The following ELSPBP1 variants were observed in gnomAD, a reference collection of about 807,000 sequenced individuals.
ELSPBP1 encodes epididymal sperm binding protein 1.
ELSPBP1 carries 38 observed loss-of-function variants against 33.3 expected under a neutral mutation model. The ratio of observed to expected loss-of-function variants is 1.14; its 90% CI spans 0.88 to 1.50. The LOEUF (loss-of-function observed/expected upper bound fraction) is 1.50. Among genes scored for constraint, ELSPBP1 ranks in the 40% most tolerant of loss-of-function variants. The pLI is 0.00. For synonymous variants in ELSPBP1, 85 were observed against 94.1 expected, an observed-to-expected ratio of 0.90 and a Z score of 0.56; for missense variants, 267 against 263.5, an observed-to-expected ratio of 1.01 and a Z score of -0.09.
intron 1 of ELSPBP1, among the ~76,000 whole-genome samples, chr19:47,996,201 G>A: frequency 6.6e-6 from 1 of 152,150 alleles, no homozygotes; most frequent in East Asian, 1.9e-4. Flanking sequence ...ATAGAAGAAT[G>A]GATGAACAGT....
chr19:48,016,370 T>C (rs527937779), intron 4 of ELSPBP1, among the ~76,000 whole-genome samples: 5 of 152,088 alleles, frequency 3.3e-5, no homozygotes, highest in Admixed American at 1.3e-4. Flanking sequence ...TGCCTTTTCT[T>C]TCCTTCCTTC....
intron 1 of ELSPBP1, among the ~76,000 whole-genome samples, chr19:48,003,907 TTC>T (rs1476742456): frequency 5.7e-4 from 41 of 71,516 alleles, no homozygotes; most frequent in Admixed American, 2.5e-3. Context: ...TTCTATTCTA[TTC>T]TATTCTATTC....
intron 2 of ELSPBP1, among the ~76,000 whole-genome samples, chr19:48,010,403 A>G (rs1210727111): frequency 2.6e-5 from 4 of 152,198 alleles, no homozygotes; most frequent in African/African-American, 4.8e-5. Context: ...CAGATAAATT[A>G]TTCAGTATAC....
At chr19:48,007,222 A>G (rs1349493856) in intron 1 of ELSPBP1, among the ~76,000 whole-genome samples, 3 of 152,206 alleles carry the variant, frequency 2.0e-5, no homozygotes, top group Non-Finnish European at 4.4e-5. Flanking sequence ...TACATTCTGC[A>G]GATGAGGAAA....
At chr19:48,019,649 TG>T in intron 4 of ELSPBP1, 69 bp from the exon 5 acceptor site, 1 of 1,482,052 alleles carries the variant, frequency 6.7e-7, no homozygotes, top group Non-Finnish European at 9.2e-7. Context: ...TGGCACAGTT[TG>T]TGTGTCATAA....
chr19:48,013,994 T>C (rs1208663897), intron 2 of ELSPBP1, among the ~76,000 whole-genome samples, 177 bp from the exon 3 acceptor site: 1 of 152,094 alleles, frequency 6.6e-6, no homozygotes, highest in African/African-American at 2.4e-5. Flanking sequence ...CCTAATCACC[T>C]TCCAAAGGCC....
At chr19:48,015,657 C>T (rs912857006) in intron 3 of ELSPBP1, among the ~76,000 whole-genome samples, 6 of 151,506 alleles carry the variant, frequency 4.0e-5, no homozygotes, top group African/African-American at 4.8e-5. Flanking sequence ...GACTCTGTCT[C>T]GAAAAAAAGA....
At chr19:48,001,463 T>C (rs1349956966) in intron 1 of ELSPBP1, among the ~76,000 whole-genome samples, 5 of 152,074 alleles carry the variant, frequency 3.3e-5, no homozygotes, top group African/African-American at 1.2e-4. Flanking sequence ...ACCTCTCTTT[T>C]ATAAGGGCCC....
chr19:48,008,749 C>T lies in ELSPBP1; in HGVS notation c.70+12C>T. The stretch of plus-strand genomic sequence containing the variant: ...TGAGTCAAGTGGAGGTAAGGACACT[C>T]AAAGCAACAGGGAGGATTTAGAAGC... On this transcript the variant is annotated intron_variant, in intron 2 of 6. Transcript: ENST00000339841. The T allele has an allele frequency of 1.2e-6, 2 of 1,609,530 alleles. No individual in the cohort carries two copies. The highest frequency in any genetic ancestry group is 1.1e-5 in the South Asian group (1 of 90,812).
intron 2 of ELSPBP1, among the ~76,000 whole-genome samples, chr19:48,010,443 A>G (rs1967064975): frequency 6.6e-6 from 1 of 152,204 alleles, no homozygotes; most frequent in South Asian, 2.1e-4. Flanking sequence ...AGTTCCAGAC[A>G]TTGTGTTATG....
At chr19:47,995,465 C>T (rs970301295) in intron 1 of ELSPBP1, among the ~76,000 whole-genome samples, 7 of 152,096 alleles carry the variant, frequency 4.6e-5, no homozygotes, top group Non-Finnish European at 1.0e-4. Flanking sequence ...ACCATTTCTC[C>T]AAGGTAAGGC....
At chr19:48,007,655 A>G (rs1967035400) in intron 1 of ELSPBP1, among the ~76,000 whole-genome samples, 1 of 152,182 alleles carries the variant, frequency 6.6e-6, no homozygotes, top group African/African-American at 2.4e-5. Flanking sequence ...GAGGACGGTA[A>G]ATGCTAATCA....
At chr19:47,995,315 G>C (rs1267228131) in intron 1 of ELSPBP1, among the ~76,000 whole-genome samples, 3 of 152,168 alleles carry the variant, frequency 2.0e-5, no homozygotes, top group African/African-American at 2.4e-5. Flanking sequence ...ATGATGTAAT[G>C]CTAAGGAAGG....
chr19:48,004,340 T>C (rs1380716226), intron 1 of ELSPBP1, among the ~76,000 whole-genome samples: 3 of 152,028 alleles, frequency 2.0e-5, no homozygotes. Context: ...TCACTTGTTG[T>C]AGAGACGAGG....
intron 1 of ELSPBP1, among the ~76,000 whole-genome samples, chr19:48,007,173 G>A (rs542260265): frequency 6.6e-6 from 1 of 152,180 alleles, no homozygotes; most frequent in East Asian, 1.9e-4. Context: ...AGGTCTAATT[G>A]GACCCTCGTG....
chr19:48,016,810 G>A (rs138673491), intron 4 of ELSPBP1, among the ~76,000 whole-genome samples: 1 of 151,996 alleles, frequency 6.6e-6, no homozygotes, highest in East Asian at 1.9e-4. Context: ...TGTTGGCCAG[G>A]CTGGTCTTGA....
At chr19:48,007,699 G>C (rs1967035971) in intron 1 of ELSPBP1, among the ~76,000 whole-genome samples, 1 of 152,194 alleles carries the variant, frequency 6.6e-6, no homozygotes, top group African/African-American at 2.4e-5. Flanking sequence ...AAGGAGATGA[G>C]TGTGATTCAT....
intron 1 of ELSPBP1, among the ~76,000 whole-genome samples, chr19:48,000,067 C>T (rs192209038): frequency 6.6e-6 from 1 of 152,112 alleles, no homozygotes; most frequent in African/African-American, 2.4e-5. Context: ...CACAAGTGAT[C>T]CTCCCACCTT....
rs1332431336 is a variant in ELSPBP1, at chr19:48,001,239, T to TGGCTCACTGCAACCTC, written c.-18+6429_-18+6444dup. On this transcript the variant is annotated intron_variant, in intron 1 of 6. Transcript: ENST00000339841. ...AGGCTGGAGTGTGGTGGTGCAATCT[T>TGGCTCACTGCAACCTC]GGCTCACTGCAACCTCTAACTCCCT... is the stretch of plus-strand genomic sequence containing the variant. Among the ~76,000 whole-genome samples the TGGCTCACTGCAACCTC allele has an allele frequency of 3.3e-5, 5 of 151,886 alleles. No individual in the cohort carries two copies. The South Asian group carries it at 1.0e-3, about 32-fold the overall frequency.
Sources: allele counts gnomAD v4.1 joint callset (sites outside exome capture counted in the v4.1 genomes callset), GRCh38; gene constraint gnomAD v4.1.1; transcripts MANE v1.5; gene names NCBI Gene and HGNC (gene_info 2026-07-23, HGNC 2026-07-21).